Variants in TYW1 observed in about 807,000 individuals in gnomAD.
TYW1 encodes tRNA-yW synthesizing protein 1 homolog, also known as S-adenosyl-L-methionine-dependent tRNA 4-demethylwyosine synthase TYW1.
A neutral mutation model predicts 96.2 loss-of-function variants in TYW1; 46 were observed. The observed-to-expected ratio is 0.48, with a 90% CI of 0.38 to 0.61. The LOEUF is 0.61. Ranked by LOEUF, TYW1 falls within the 20% of genes least tolerant of loss-of-function variation. The pLI, the probability that TYW1 is intolerant of heterozygous loss-of-function variation, is 0.00. For missense variants in TYW1, 684 were observed against 909.6 expected (o/e 0.75, Z 3.19); for synonymous variants, 274 against 323.0 (o/e 0.85, Z 1.63).
At chr7:67,001,253 A>G (rs978632456) in intron 3 of TYW1, among the ~76,000 whole-genome samples, 10 of 152,124 alleles carry the variant, frequency 6.6e-5, no homozygotes, top group African/African-American at 2.2e-4. Context: ...ACATTACACA[A>G]AAGTTATTGG....
chr7:67,123,825 A>G (rs773092017), intron 13 of TYW1, among the ~76,000 whole-genome samples: 10 of 152,236 alleles, frequency 6.6e-5, no homozygotes, highest in Non-Finnish European at 1.3e-4. Flanking sequence ...TACGAAGTAA[A>G]GGTATGACAA....
At chr7:67,072,323 C>T (rs369830956) in intron 10 of TYW1, among the ~76,000 whole-genome samples, 26 of 150,296 alleles carry the variant, frequency 1.7e-4, no homozygotes, top group East Asian at 9.9e-4. Flanking sequence ...CTTGGCTCAC[C>T]GCAACCTCCA....
chr7:67,184,643 TTTTATTTATGTTATGTTATGTTATG>T (rs1346764871), intron 14 of TYW1, among the ~76,000 whole-genome samples: 25 of 39,710 alleles, frequency 6.3e-4, no homozygotes, highest in East Asian at 3.8e-3. Context: ...TTTTATTTTA[TTTTATTTATGTTATGTTATGTTATG>T]TTATGTTATG....
In TYW1 at chr7:67,037,003, G is replaced by A. The variant is rs186702175; in HGVS notation, c.984+11981G>A. ...GGCAGACCAGCAGCTGGTGACAGAC[G>A]TCAGCCACTGTGCCTGGCCCAGTTT... On this transcript the variant is annotated intron_variant, in intron 7 of 15. Transcript: ENST00000359626. Among the ~76,000 whole-genome samples, 184 of 152,304 alleles carry A rather than the reference G, an allele frequency of 1.2e-3. 1 individual carries two copies. Among genetic ancestry groups the A allele is most frequent in the African/African-American group, 4.3e-3 (180 of 41,570 alleles).
chr7:67,012,724 A>G (rs530656488), intron 4 of TYW1, among the ~76,000 whole-genome samples: 26 of 152,276 alleles, frequency 1.7e-4, no homozygotes, highest in African/African-American at 5.8e-4. Context: ...ACCTCCTGTA[A>G]TGGGTCAAGG....
chr7:67,064,714 CCACAACA>C lies in TYW1; in HGVS notation c.1156-2569_1156-2563del, dbSNP rs1353719364. Among the ~76,000 whole-genome samples the C allele has an allele frequency of 5.9e-5, 9 of 152,144 alleles. 1 individual carries two copies. On this transcript the variant is annotated intron_variant, in intron 9 of 15. Coordinates refer to ENST00000359626, the MANE Select transcript of TYW1 (RefSeq NM_018264.4). ...GATTCAGTTCCTCCCCGGGTCTCTC[CCACAACA>C]CGTGGGAATTCTGGGAGATAAATTC...
At chr7:67,127,159 C>CTT (rs201670664) in intron 13 of TYW1, among the ~76,000 whole-genome samples, 20 of 129,748 alleles carry the variant, frequency 1.5e-4, no homozygotes, top group African/African-American at 3.7e-4. Flanking sequence ...ATAAAATAAT[C>CTT]TTTTTTTTTT....
At chr7:67,067,053 T>C (rs1795889293) in intron 9 of TYW1, 1 of 539,028 alleles carries the variant, frequency 1.9e-6, no homozygotes, top group Non-Finnish European at 3.3e-6. Context: ...GTTCTCCCTG[T>C]AGAGTTTTCA....
At chr7:67,175,169 A>ATT (rs1486636377) in intron 13 of TYW1, among the ~76,000 whole-genome samples, 2 of 138,934 alleles carry the variant, frequency 1.4e-5, no homozygotes, top group Admixed American at 1.5e-4. Context: ...ATTAGTTCAG[A>ATT]ATTTTTTTTT....
At chr7:67,172,226 A>G (rs1193538015) in intron 13 of TYW1, among the ~76,000 whole-genome samples, 1 of 150,142 alleles carries the variant, frequency 6.7e-6, no homozygotes, top group Non-Finnish European at 1.5e-5. Flanking sequence ...TTATTTTTTT[A>G]TTATTGTTCT....
chr7:67,092,670 CCTT>C (rs1796762529), intron 11 of TYW1, among the ~76,000 whole-genome samples: 1 of 140,130 alleles, frequency 7.1e-6, no homozygotes, highest in Non-Finnish European at 1.5e-5. Flanking sequence ...GTGCCTATCA[CCTT>C]CTTTTTTTTT....
intron 7 of TYW1, among the ~76,000 whole-genome samples, chr7:67,045,038 G>T (rs1210667170): frequency 6.6e-6 from 1 of 152,122 alleles, no homozygotes; most frequent in Non-Finnish European, 1.5e-5. Flanking sequence ...GAAAAAGCTT[G>T]TTTGTTGTAA....
chr7:67,092,575 C>G (rs942003181), intron 11 of TYW1, among the ~76,000 whole-genome samples: 2 of 152,094 alleles, frequency 1.3e-5, no homozygotes, highest in African/African-American at 2.4e-5. Flanking sequence ...CTTATCCTGA[C>G]CAGCCTGATT....
chr7:67,210,236 AT>A (rs1467098089), intron 15 of TYW1, among the ~76,000 whole-genome samples: 1 of 152,118 alleles, frequency 6.6e-6, no homozygotes, highest in Non-Finnish European at 1.5e-5. Flanking sequence ...ATGCCCTATT[AT>A]TGAAATTTGT....
At chr7:67,068,134 G>T (rs1795925096) in intron 10 of TYW1, among the ~76,000 whole-genome samples, 1 of 151,230 alleles carries the variant, frequency 6.6e-6, no homozygotes, top group Admixed American at 6.6e-5. Flanking sequence ...TGATTCTCCT[G>T]TCTCAGCCTC....
At chr7:67,083,051 G>A (rs1426513801) in intron 10 of TYW1, among the ~76,000 whole-genome samples, 5 of 152,162 alleles carry the variant, frequency 3.3e-5, no homozygotes, top group Non-Finnish European at 4.4e-5. Context: ...TTCCAAGCAA[G>A]TGTTCCAGCT....
chr7:67,077,278 G>T (rs1234559347), intron 10 of TYW1, among the ~76,000 whole-genome samples: 2 of 152,166 alleles, frequency 1.3e-5, no homozygotes, highest in East Asian at 3.8e-4. Context: ...GGGGTTGCTG[G>T]ATCATATGGT....
chr7:67,007,364 T>C (rs1793634618), intron 3 of TYW1, among the ~76,000 whole-genome samples: 1 of 152,146 alleles, frequency 6.6e-6, no homozygotes, highest in Non-Finnish European at 1.5e-5. Flanking sequence ...TACCTTCCCA[T>C]CAATAAATCT....
intron 8 of TYW1, among the ~76,000 whole-genome samples, chr7:67,055,511 A>G (rs1215196698): frequency 6.6e-6 from 1 of 151,828 alleles, no homozygotes; most frequent in Non-Finnish European, 1.5e-5. Flanking sequence ...AGGCATGAGA[A>G]TCTATTAAAC....
Sources: gnomAD v4.1 joint callset for allele counts (sites outside exome capture counted in the v4.1 genomes callset) on GRCh38, gnomAD v4.1.1 for gene constraint, MANE v1.5 for transcripts, NCBI Gene and HGNC (gene_info 2026-07-23, HGNC 2026-07-21) for gene names.